Variants in EML1 observed in about 807,000 individuals in gnomAD.
EML1 encodes the protein EMAP like 1, also known as echinoderm microtubule-associated protein-like 1.
A neutral mutation model predicts 110.4 loss-of-function variants in EML1; 27 were observed. The observed-to-expected ratio is 0.24, with a 90% CI of 0.18 to 0.34. EML1 has a LOEUF of 0.34. EML1 is among the 10% of genes least tolerant of loss of function. The pLI, the probability that EML1 is intolerant of heterozygous loss-of-function variation, is 1.00. For missense variants in EML1, 741 were observed against 1,030.9 expected (o/e 0.72, Z 3.85); for synonymous variants, 344 against 385.8 (o/e 0.89, Z 1.27).
intron 1 of EML1, among the ~76,000 whole-genome samples, chr14:99,741,752 T>A (rs137998293): frequency 0.017 from 2,531 of 151,992 alleles, 76 homozygotes; most frequent in African/African-American, 0.059. Context: ...CCCCCCAATT[T>A]ATGCCATCCC....
chr14:99,877,851 G>C (rs1227618917), intron 3 of EML1, among the ~76,000 whole-genome samples: 1 of 152,098 alleles, frequency 6.6e-6, no homozygotes, highest in Non-Finnish European at 1.5e-5. Flanking sequence ...GGCAGTAGCA[G>C]TCCCTCCCCA....
rs561423686 is a variant in EML1, at chr14:99,745,074, C to CT, written c.28+7224dup. 5.9e-3 allele frequency among the ~76,000 whole-genome samples: 882 copies of CT among 149,586 alleles called. 16 individuals are homozygous for CT. Among genetic ancestry groups the CT allele is most frequent in the Admixed American group, 0.036 (534 of 14,958 alleles). ...TTTAGTAGCTGGTTCTCCCAGTTGA[C>CT]TTTTTTTTTTGAGACAGACTCTTGC... On this transcript the variant is annotated intron_variant, in intron 1 of 10. Coordinates refer to the EML1 transcript ENST00000554479.
chr14:99,912,320 AC>A (rs1275684803), intron 13 of EML1, among the ~76,000 whole-genome samples: 1 of 152,000 alleles, frequency 6.6e-6, no homozygotes, highest in Non-Finnish European at 1.5e-5. Context: ...TCCTTTTGAT[AC>A]CCGGTGTACC....
intron 9 of EML1, among the ~76,000 whole-genome samples, chr14:99,906,527 C>G (rs1351456628): frequency 6.6e-6 from 1 of 152,140 alleles, no homozygotes; most frequent in Non-Finnish European, 1.5e-5. Context: ...AGAGGTCACT[C>G]TTGTTGCCAT....
chr14:99,921,702 T>C lies in EML1; in HGVS notation c.1909+825T>C, dbSNP rs139264207. Among the ~76,000 whole-genome samples, 51 of 152,314 alleles carry C rather than the reference T, an allele frequency of 3.3e-4. 1 individual carries two copies. The East Asian group carries it at 8.5e-3, about 25-fold the overall frequency. ...ATCTCATCATTTCATCTGTTAATAA[T>C]TGTATATATCCCAAAAAGATGAGGA... On this transcript the variant is annotated intron_variant, in intron 17 of 21. Transcript: ENST00000262233.
intron 4 of EML1, among the ~76,000 whole-genome samples, chr14:99,890,987 G>A (rs575112855): frequency 1.3e-5 from 2 of 152,152 alleles, no homozygotes; most frequent in Non-Finnish European, 1.5e-5. Flanking sequence ...GATAAAGTGA[G>A]GATTGCAATC....
At chr14:99,918,150 C>T (rs566891524) in intron 16 of EML1, among the ~76,000 whole-genome samples, 7 of 152,334 alleles carry the variant, frequency 4.6e-5, no homozygotes, top group African/African-American at 1.7e-4. Flanking sequence ...GTCACCCAGA[C>T]TGAAGTGCAG....
chr14:99,743,440 G>A (rs542412462), intron 1 of EML1, among the ~76,000 whole-genome samples: 1 of 152,118 alleles, frequency 6.6e-6, no homozygotes, highest in Non-Finnish European at 1.5e-5. Context: ...CAGAAGTTAC[G>A]AGCTGTGGGA....
chr14:99,850,775 G>C, intron 1 of EML1, 78 bp from the exon 2 acceptor site: 1 of 1,483,992 alleles, frequency 6.7e-7, no homozygotes, highest in Non-Finnish European at 9.2e-7. Flanking sequence ...GCTTAAAACA[G>C]CATGCTAGAT....
chr14:99,739,735 G>A (rs975457648), intron 1 of EML1, among the ~76,000 whole-genome samples: 1 of 152,200 alleles, frequency 6.6e-6, no homozygotes, highest in Non-Finnish European at 1.5e-5. Context: ...ATTTACTTAT[G>A]GGTAGAAGGG....
rs775051373 is a variant in EML1, at chr14:99,936,372, C to T, written c.2095+38C>T. 5 of 1,589,656 alleles carry T rather than the reference C, an allele frequency of 3.1e-6. No homozygotes were observed. In the Admixed American group the frequency reaches 8.4e-5, roughly 27 times the overall value. ...CCGGGGTTGTATGAAGTCTCGATCTCAGAAAGCGTTCACTCTGAGATCCAG... is the reference window on the plus strand; with the variant it reads ...CCGGGGTTGTATGAAGTCTCGATCTTAGAAAGCGTTCACTCTGAGATCCAG... On this transcript the variant is annotated intron_variant, in intron 19 of 21. Coordinates refer to ENST00000262233, the MANE Select transcript of EML1 (RefSeq NM_004434.3). The surrounding 1 kb of genome is among the most constrained non-coding windows in gnomAD (Gnocchi z 5.5).
chr14:99,761,500 C>T (rs1262754217), intron 1 of EML1, among the ~76,000 whole-genome samples: 1 of 152,098 alleles, frequency 6.6e-6, no homozygotes, highest in Non-Finnish European at 1.5e-5. Flanking sequence ...CAAAGTTGCC[C>T]AGGATTGGGG....
chr14:99,867,533 T>C (rs1474206333), intron 3 of EML1, among the ~76,000 whole-genome samples: 3 of 152,204 alleles, frequency 2.0e-5, no homozygotes, highest in Admixed American at 2.0e-4. Flanking sequence ...ATGAGTCTTC[T>C]AACTCCTTGG....
chr14:99,830,984 C>G (rs1288016162), intron 1 of EML1, among the ~76,000 whole-genome samples: 4 of 152,178 alleles, frequency 2.6e-5, no homozygotes, highest in African/African-American at 9.7e-5. Flanking sequence ...AACTCAGCCA[C>G]CAGTGTCACC....
At chr14:99,920,954 G>T in intron 17 of EML1, 77 bp downstream of exon 17, 10 of 1,390,206 alleles carry the variant, frequency 7.2e-6, no homozygotes, top group Non-Finnish European at 1.0e-5. Flanking sequence ...TGTGCAGGAT[G>T]TGTCGGTTTG....
chr14:99,884,785 T>C (rs1450628710), intron 4 of EML1, among the ~76,000 whole-genome samples: 1 of 152,334 alleles, frequency 6.6e-6, no homozygotes, highest in Non-Finnish European at 1.5e-5. Flanking sequence ...AAACACCTTC[T>C]AGCACCTAGG....
intron 13 of EML1, among the ~76,000 whole-genome samples, chr14:99,913,676 C>G (rs1387650285): frequency 2.0e-5 from 3 of 152,084 alleles, no homozygotes; most frequent in African/African-American, 7.2e-5. Context: ...TGATCACTCA[C>G]TCAACAGTTG....
chr14:99,908,213 C>G (rs927724144), intron 10 of EML1, among the ~76,000 whole-genome samples: 17 of 152,216 alleles, frequency 1.1e-4, no homozygotes, highest in Non-Finnish European at 1.9e-4. Flanking sequence ...AGCGGGAGCC[C>G]CGAGCTAAAC....
chr14:99,744,696 C>T (rs1295984949), intron 1 of EML1, among the ~76,000 whole-genome samples: 1 of 152,212 alleles, frequency 6.6e-6, no homozygotes, highest in Non-Finnish European at 1.5e-5. Context: ...TTCAAAACAT[C>T]GCTCCCTCCC....
Sources: gnomAD v4.1 joint callset for allele counts (sites outside exome capture counted in the v4.1 genomes callset) on GRCh38, gnomAD v4.1.1 for gene constraint, Gnocchi (gnomAD v3.1) non-coding constraint, MANE v1.5 for transcripts, NCBI Gene and HGNC (gene_info 2026-07-23, HGNC 2026-07-21) for gene names.